The following TCN1 variants were observed in gnomAD, a reference collection of about 807,000 sequenced individuals.
TCN1 encodes the protein transcobalamin-1.
TCN1 carries 47 observed loss-of-function variants against 46.3 expected under a neutral mutation model. The observed-to-expected ratio is 1.01, with a 90% CI of 0.80 to 1.29. TCN1 has a LOEUF of 1.29. Ranked by LOEUF, TCN1 falls within the 50% of genes most tolerant of loss-of-function variation. TCN1 has a pLI of 0.00. For synonymous variants in TCN1, 183 were observed against 192.5 expected (o/e 0.95, Z 0.41); for missense variants, 532 against 511.0 (o/e 1.04, Z -0.40).
intron 5 of TCN1, among the ~76,000 whole-genome samples, chr11:59,858,153 T>C (rs1203396332): frequency 2.0e-5 from 3 of 152,222 alleles, no homozygotes; most frequent in African/African-American, 7.2e-5. Flanking sequence ...GGGGCCATTA[T>C]TAAGTAAATA....
chr11:59,859,189 C>T lies in TCN1; in HGVS notation c.635G>A (p.Gly212Asp). The change falls in exon 5 of 9, where the codon GGC becomes GAC. Residue 212 changes from glycine to aspartate, a missense_variant. Transcript: ENST00000257264. ...ATAAATACTGATGTTCTTTAAACTGCCTTCATCTGCTTTGATCTGCCCATT... is the reference window on the plus strand; with the variant it reads ...ATAAATACTGATGTTCTTTAAACTGTCTTCATCTGCTTTGATCTGCCCATT... ...LINGQIKADE[G>D]SLKNISIYTK... The T allele has an allele frequency of 6.2e-7, 1 of 1,613,968 alleles. No homozygotes were observed.
At chr11:59,861,182 T>A (rs766861772) in intron 4 of TCN1, among the ~76,000 whole-genome samples, 9 of 152,228 alleles carry the variant, frequency 5.9e-5, no homozygotes, top group African/African-American at 9.6e-5. Context: ...GCATTTCCCT[T>A]TTCTAAAACT....
Position 59,853,205 on chromosome 11 carries a change from T to C in TCN1, c.1238A>G (p.Gln413Arg), listed in dbSNP as rs201046539. The change falls in exon 8 of 9, where the codon CAA becomes CGA. Residue 413 changes from glutamine (Q) to arginine (R), a missense_variant and splice_region_variant. Transcript: ENST00000257264. ...TTTTTGGCATGTCTCTCCCTTACCTTGGCTCAGTGGTTCGCCTCCACTCAG... is the reference window on the plus strand; with the variant it reads ...TTTTTGGCATGTCTCTCCCTTACCTCGGCTCAGTGGTTCGCCTCCACTCAG... ...ELLSGGEPLS[Q>R]GAGSYVVRNG... is the part of the protein sequence containing the mutation. 24 of 1,614,150 alleles carry C rather than the reference T, an allele frequency of 1.5e-5. No individual in the cohort carries two copies. The highest frequency in any genetic ancestry group is 8.5e-7 in the Non-Finnish European group (1 of 1,179,998).
intron 4 of TCN1, among the ~76,000 whole-genome samples, chr11:59,860,735 G>GACTGGAAGAAGGAAAGAT (rs1853007590): frequency 1.3e-5 from 2 of 152,188 alleles, no homozygotes; most frequent in Non-Finnish European, 2.9e-5. Flanking sequence ...TGAGGCAAGA[G>GACTGGAAGAAGGAAAGAT]ACTGGAAGAA....
intron 1 of TCN1, 88 bp from the exon 2 acceptor site, chr11:59,864,174 A>C: frequency 1.4e-6 from 2 of 1,462,554 alleles, no homozygotes; most frequent in Non-Finnish European, 1.9e-6. Context: ...ATTTAGTAAC[A>C]GATATGGCAC....
At chr11:59,853,830 ACCT>A (rs1866693772) in intron 7 of TCN1, among the ~76,000 whole-genome samples, 1 of 151,968 alleles carries the variant, frequency 6.6e-6, no homozygotes, top group South Asian at 2.1e-4. Flanking sequence ...TCATTTTTCT[ACCT>A]CCCTTAAAGC....
chr11:59,861,560 T>G lies in TCN1; in HGVS notation c.523A>C (p.Lys175Gln), dbSNP rs770714024. ...AACTGGCTACCAAAATAATAGTTTT[T>G]ATTTTCAGGAGTGAAGTGGTTGACA... is the stretch of plus-strand genomic sequence containing the variant. ...EVVNHFTPEN[K>Q]NYYFGSQFSV... Residue 175 changes from lysine (K) to glutamine (Q), a missense_variant, in exon 4 of 9, where the codon AAA becomes CAA. Transcript: ENST00000257264. The G allele has an allele frequency of 2.5e-6, 4 of 1,614,118 alleles. No individual in the cohort carries two copies. The Admixed American group carries it at 6.7e-5, about 27-fold the overall frequency.
rs138176480 is a variant in TCN1, at chr11:59,854,692, C to G, written c.1081G>C (p.Val361Leu). Residue 361 changes from valine to leucine, a missense_variant, in exon 7 of 9, where the codon GTG (valine) becomes CTG (leucine). Coordinates refer to ENST00000257264, the MANE Select transcript of TCN1 (RefSeq NM_001062.4). Reference sequence around the variant, plus strand: ...TTCATTTTCTGGGCTTTCTCCATCACACTGAGGAAGACAGAACCATTTAGC... The same window carrying G: ...TTCATTTTCTGGGCTTTCTCCATCAGACTGAGGAAGACAGAACCATTTAGC... ...TVLNGSVFLS[V>L]MEKAQKMNDT... 1.9e-6 allele frequency: 3 copies of G among 1,613,954 alleles called. No individual in the cohort carries two copies. Among genetic ancestry groups the G allele is most frequent in the South Asian group, 2.2e-5 (2 of 91,076 alleles).
intron 5 of TCN1, among the ~76,000 whole-genome samples, chr11:59,858,209 G>T (rs1852968510): frequency 6.6e-6 from 1 of 152,174 alleles, no homozygotes; most frequent in African/African-American, 2.4e-5. Flanking sequence ...CAGTTGATCT[G>T]ATAACCGGCT....
chr11:59,865,009 CTGT>C (rs997252433), intron 1 of TCN1, among the ~76,000 whole-genome samples: 2 of 152,150 alleles, frequency 1.3e-5, no homozygotes, highest in African/African-American at 4.8e-5. Flanking sequence ...AAAATTGTGG[CTGT>C]TAACACTTAC....
chr11:59,861,146 C>T (rs1031476907), intron 4 of TCN1, among the ~76,000 whole-genome samples: 2 of 152,172 alleles, frequency 1.3e-5, no homozygotes, highest in Non-Finnish European at 2.9e-5. Flanking sequence ...GAGAAAGAGA[C>T]AGTGTTAAGA....
At chr11:59,864,382 T>A (rs1444782528) in intron 1 of TCN1, among the ~76,000 whole-genome samples, 11 of 152,204 alleles carry the variant, frequency 7.2e-5, no homozygotes, top group Admixed American at 2.6e-4. Flanking sequence ...TCCCTAATTT[T>A]GTATATGAAG....
intron 5 of TCN1, 121 bp downstream of exon 5, chr11:59,858,956 T>C: frequency 8.7e-7 from 1 of 1,155,676 alleles, no homozygotes; most frequent in South Asian, 1.3e-5. Flanking sequence ...TGAGCTGAGC[T>C]CGCACCATTG....
In TCN1 at chr11:59,859,109, C is replaced by T. The variant is rs1565214250; in HGVS notation, c.715G>A (p.Gly239Arg). Residue 239 changes from glycine (G) to arginine (R), a missense_variant, in exon 5 of 9, where the codon GGA becomes AGA. Physicochemically the swap from Gly to Arg is moderately radical, Grantham distance 125 (BLOSUM62 -2). Coordinates refer to ENST00000257264, the MANE Select transcript of TCN1 (RefSeq NM_001062.4). ...LSEKKENGLI[G>R]NTFSTGEAMQ... ...GCTTCTCCTGTGCTAAATGTGTTTC[C>T]AATGAGACCATTTTCTTTTTTCTCA... The T allele has an allele frequency of 6.2e-7, 1 of 1,613,890 alleles. No individual in the cohort carries two copies. The highest frequency in any genetic ancestry group is 1.7e-5 in the Admixed American group (1 of 60,022).
Position 59,866,425 on chromosome 11 carries a change from A to T in TCN1, c.46T>A (p.Ser16Thr). The T allele has an allele frequency of 6.2e-7, 1 of 1,613,584 alleles. No homozygotes were observed. The highest frequency in any genetic ancestry group is 8.5e-7 in the Non-Finnish European group (1 of 1,179,554). Residue 16 changes from serine to threonine, a missense_variant, in exon 1 of 9, where the codon TCT becomes ACT. Ser to Thr is a moderately conservative substitution (Grantham distance 58). Coordinates refer to ENST00000257264, the MANE Select transcript of TCN1 (RefSeq NM_001062.4). ...TCGCATAGTTGGCTTGGAATAAAAG[A>T]AAACAGTAAGAGCCCCACTAGGGGC... The part of the protein sequence containing the change: ...QLPLVGLLLF[S>T]FIPSQLCEIC...
In TCN1 at chr11:59,855,854, C is replaced by T; in HGVS notation, c.937+15G>A. 1 of 1,613,684 alleles carries T rather than the reference C, an allele frequency of 6.2e-7. No individual in the cohort carries two copies. Among genetic ancestry groups the T allele is most frequent in the East Asian group, 2.2e-5 (1 of 44,874 alleles). The stretch of plus-strand genomic sequence containing the variant: ...GGTGAAAAGCGAAACAGTGTGCTCT[C>T]TTTAATGCTTATACCTGAAGCAGAG... On this transcript the variant is annotated intron_variant, in intron 6 of 8. Coordinates refer to ENST00000257264, the MANE Select transcript of TCN1 (RefSeq NM_001062.4).
chr11:59,862,180 T>G (rs527827022), intron 3 of TCN1, among the ~76,000 whole-genome samples: 1 of 152,296 alleles, frequency 6.6e-6, no homozygotes, highest in African/African-American at 2.4e-5. Context: ...CTGGCCACCT[T>G]TAGCTCATAT....
chr11:59,864,185 A>C (rs886892646), intron 1 of TCN1, 99 bp from the exon 2 acceptor site: 12 of 1,347,246 alleles, frequency 8.9e-6, no homozygotes, highest in Non-Finnish European at 1.1e-5. Flanking sequence ...GATATGGCAC[A>C]GACCTAGACC....
intron 4 of TCN1, among the ~76,000 whole-genome samples, chr11:59,860,664 A>C (rs1349374162): frequency 6.6e-6 from 1 of 152,138 alleles, no homozygotes; most frequent in Non-Finnish European, 1.5e-5. Flanking sequence ...GTTTCATTAG[A>C]CTGATTAGAA....
Sources: allele counts gnomAD v4.1 joint callset (sites outside exome capture counted in the v4.1 genomes callset), GRCh38; gene constraint gnomAD v4.1.1; transcripts MANE v1.5; gene names NCBI Gene and HGNC (gene_info 2026-07-23, HGNC 2026-07-21).